CUX1: variants seen among roughly 807,000 people sequenced by gnomAD.
CUX1 encodes cut like homeobox 1.
Under a neutral mutation model 158.8 loss-of-function variants are expected in CUX1, and 31 were observed. That is an observed-to-expected ratio of 0.20 (90% CI 0.15 to 0.26). The LOEUF (loss-of-function observed/expected upper bound fraction) is 0.26, where lower values mean the gene tolerates loss of function less well. Ranked by LOEUF, CUX1 falls within the 10% of genes least tolerant of loss-of-function variation. The pLI is 1.00. For missense variants in CUX1, 1,589 were observed against 2,014.6 expected (o/e 0.79, Z 4.04); for synonymous variants, 879 against 862.1 (o/e 1.02, Z -0.34).
At chr7:101,902,752 T>TA (rs1308793750) in intron 1 of CUX1, among the ~76,000 whole-genome samples, 10 of 152,162 alleles carry the variant, frequency 6.6e-5, no homozygotes, top group African/African-American at 2.4e-4. Flanking sequence ...GCAGAGGAAT[T>TA]AATATCTTAG....
chr7:102,250,114 A>G lies in CUX1; in HGVS notation c.*1072A>G. 2 of 985,424 alleles carry G rather than the reference A, an allele frequency of 2.0e-6. No individual in the cohort carries two copies. The highest frequency in any genetic ancestry group is 9.4e-5 in the South Asian group (2 of 21,288). The allele number at this position is 985,424 out of a possible 1,614,324, so 61.0% of individuals were successfully genotyped here. On this transcript the variant is annotated 3_prime_UTR_variant, in exon 24 of 24. Coordinates refer to ENST00000292535, the MANE Select transcript of CUX1 (RefSeq NM_181552.4). Reference sequence around the variant, plus strand: ...CTAGGTATTTTATAATCTGCTTTTTAACCTCTAACCGCAGAGCACGCTGAT... The same window carrying G: ...CTAGGTATTTTATAATCTGCTTTTTGACCTCTAACCGCAGAGCACGCTGAT...
intron 23 of CUX1, among the ~76,000 whole-genome samples, chr7:102,243,670 ATAATAAT>A (rs1800484422): frequency 6.8e-6 from 1 of 146,618 alleles, no homozygotes; most frequent in Non-Finnish European, 1.5e-5. Flanking sequence ...AATAATAATA[ATAATAAT>A]AAAATAAATG....
At chr7:102,142,441 A>G (rs376876467) in intron 8 of CUX1, among the ~76,000 whole-genome samples, 8 of 152,314 alleles carry the variant, frequency 5.3e-5, no homozygotes, top group African/African-American at 1.7e-4. Flanking sequence ...ACAGAACAGC[A>G]TCCCTTCCTA....
chr7:102,244,532 C>CA (rs1325557074), intron 23 of CUX1, among the ~76,000 whole-genome samples: 3 of 133,418 alleles, frequency 2.2e-5, no homozygotes, highest in South Asian at 2.4e-4. Flanking sequence ...ACCACGTCTA[C>CA]AAAAAATAGA....
chr7:101,819,510 A>G (rs1430113636), intron 1 of CUX1, among the ~76,000 whole-genome samples: 2 of 152,080 alleles, frequency 1.3e-5, no homozygotes, highest in Non-Finnish European at 2.9e-5. Flanking sequence ...CTGAAAGTCC[A>G]TTTTCTGATG....
chr7:101,931,083 G>A (rs1382213139), intron 2 of CUX1, among the ~76,000 whole-genome samples: 1 of 152,170 alleles, frequency 6.6e-6, no homozygotes, highest in Non-Finnish European at 1.5e-5. Context: ...ATTTCAGAGC[G>A]AGACTCCGAG....
chr7:101,837,291 G>A (rs565222206), intron 1 of CUX1, among the ~76,000 whole-genome samples: 1 of 152,280 alleles, frequency 6.6e-6, no homozygotes, highest in South Asian at 2.1e-4. Context: ...CAATTACAAT[G>A]GTTAATATTC....
In CUX1 at chr7:102,252,152, T is replaced by G. The variant is rs574572440; in HGVS notation, c.*3110T>G. The G allele has an allele frequency of 2.3e-4, 231 of 985,258 alleles. No homozygotes were observed. The African/African-American group carries it at 3.9e-3, about 17-fold the overall frequency. 61.0% of individuals were successfully genotyped at this position (985,258 alleles called of 1,614,324 possible). A position where few individuals can be genotyped will look rare whatever the true frequency, so the allele number is the denominator to read the frequency against. ...TTAAAAAAAATAGAGATCCTAACCT[T>G]AGATCTTTGATGTGAAGCTAGCACT... On this transcript the variant is annotated 3_prime_UTR_variant, in exon 24 of 24. Coordinates refer to ENST00000292535, the MANE Select transcript of CUX1 (RefSeq NM_181552.4).
intron 2 of CUX1, among the ~76,000 whole-genome samples, chr7:101,922,926 G>A (rs1246966605): frequency 1.3e-5 from 2 of 152,268 alleles, no homozygotes; most frequent in Admixed American, 6.5e-5. Context: ...TCATGTATGT[G>A]AGCAGTGGAG....
chr7:102,032,895 A>T (rs1237816643), intron 3 of CUX1, among the ~76,000 whole-genome samples: 1 of 152,118 alleles, frequency 6.6e-6, no homozygotes, highest in African/African-American at 2.4e-5. Flanking sequence ...CTAGCCCAAC[A>T]ATTTAGACAA....
chr7:102,070,373 A>C lies in CUX1; in HGVS notation c.224A>C (p.Glu75Ala). Residue 75 changes from glutamate to alanine, a missense_variant, in exon 4 of 24, where the codon GAA (glutamate) becomes GCA (alanine). Physicochemically the swap from Glu to Ala is moderately radical, Grantham distance 107. Transcript: ENST00000292535. ...CTGAGTAAAAGAAGCAAGGAAGCTG[A>C]AGCAGCTTTCTTGAATGTCTACAAA... Reference protein sequence around the residue: ...DALSKRSKEAEAAFLNVYKRL... With the variant: ...DALSKRSKEAAAAFLNVYKRL... 6.2e-7 allele frequency: 1 copy of C among 1,610,124 alleles called. No homozygotes were observed. The highest frequency in any genetic ancestry group is 8.5e-7 in the Non-Finnish European group (1 of 1,179,142).
intron 8 of CUX1, among the ~76,000 whole-genome samples, chr7:102,122,290 CT>C (rs1554493733): frequency 3.9e-5 from 6 of 152,064 alleles, no homozygotes. Context: ...GAAGCAGCCA[CT>C]TTTATGGTTT....
chr7:101,959,817 T>C (rs1810248018), intron 2 of CUX1, among the ~76,000 whole-genome samples: 1 of 152,246 alleles, frequency 6.6e-6, no homozygotes, highest in Non-Finnish European at 1.5e-5. Context: ...CGCGTACATA[T>C]TCTCTGTTTG....
chr7:101,985,949 A>G (rs1178731687), intron 2 of CUX1, among the ~76,000 whole-genome samples: 1 of 152,248 alleles, frequency 6.6e-6, no homozygotes, highest in Non-Finnish European at 1.5e-5. Flanking sequence ...CGCAGCTTCA[A>G]TGGCAGCAAG....
intron 21 of CUX1, among the ~76,000 whole-genome samples, chr7:102,229,085 G>T (rs571683746): frequency 1.3e-5 from 2 of 152,142 alleles, no homozygotes; most frequent in Non-Finnish European, 2.9e-5. Context: ...TGCTGTTCCC[G>T]CTGCCTTGCG....
intron 1 of CUX1, among the ~76,000 whole-genome samples, chr7:101,872,789 A>C (rs1304911864): frequency 6.6e-6 from 1 of 151,834 alleles, no homozygotes; most frequent in Non-Finnish European, 1.5e-5. Context: ...TGTTGGTTTT[A>C]TTTTTTATTT....
rs1034022003 is a variant in CUX1, at chr7:102,254,758, G to A, written c.*5716G>A. The stretch of plus-strand genomic sequence containing the variant: ...CAGGGCTTGTGCCCTGAGTGGCGAG[G>A]TGGTGACCTGAGGCCAGTGTGATGT... On this transcript the variant is annotated 3_prime_UTR_variant, in exon 24 of 24. Transcript: ENST00000292535. The A allele has an allele frequency of 1.7e-4, 168 of 985,412 alleles. No individual in the cohort carries two copies. The highest frequency in any genetic ancestry group is 1.0e-3 in the Middle Eastern group (2 of 1,936). 61.0% of individuals were successfully genotyped at this position (985,412 alleles called of 1,614,324 possible).
intron 2 of CUX1, among the ~76,000 whole-genome samples, chr7:101,999,371 T>C (rs760564169): frequency 2.6e-5 from 4 of 152,060 alleles, no homozygotes; most frequent in Non-Finnish European, 2.9e-5. Context: ...TTATCTTTCC[T>C]ACCAGCCTTT....
At chr7:102,014,310 A>G (rs1818356658) in intron 2 of CUX1, among the ~76,000 whole-genome samples, 2 of 152,112 alleles carry the variant, frequency 1.3e-5, no homozygotes, top group African/African-American at 4.8e-5. Context: ...CACAGCCACC[A>G]TTTCCCACCC....
Sources: allele counts gnomAD v4.1 joint callset (sites outside exome capture counted in the v4.1 genomes callset), GRCh38; gene constraint gnomAD v4.1.1; transcripts MANE v1.5; gene names NCBI Gene and HGNC (gene_info 2026-07-23, HGNC 2026-07-21).